The following SMARCA2 variants were observed in gnomAD, a reference collection of about 807,000 sequenced individuals.
SMARCA2 encodes SWI/SNF-related matrix-associated actin-dependent regulator of chromatin subfamily A member 2.
SMARCA2 carries 61 observed loss-of-function variants against 199.8 expected under a neutral mutation model. The observed-to-expected ratio is 0.31, with a 90% CI of 0.25 to 0.38. The LOEUF (loss-of-function observed/expected upper bound fraction) is 0.38. Among genes scored for constraint, SMARCA2 ranks in the 10% least tolerant of loss-of-function variants. SMARCA2 has a pLI of 1.00. For missense variants in SMARCA2, 1,344 were observed against 2,012.2 expected (o/e 0.67, Z 6.35); for synonymous variants, 935 against 732.0 (o/e 1.28, Z -4.48).
At chr9:2,135,402 T>C (rs1824149119) in intron 27 of SMARCA2, among the ~76,000 whole-genome samples, 1 of 152,200 alleles carries the variant, frequency 6.6e-6, no homozygotes, top group African/African-American at 2.4e-5. Context: ...TTTTACCAAC[T>C]ATCTGGGCAT....
In SMARCA2 at chr9:2,047,494, C is replaced by T. The variant is rs757453057; in HGVS notation, c.1046+10C>T. On this transcript the variant is annotated intron_variant, in intron 5 of 33. Coordinates refer to ENST00000349721, the MANE Select transcript of SMARCA2 (RefSeq NM_003070.5). Reference sequence around the variant, plus strand: ...AAGAGCGGGAATACAGGTAACGCACCCCGCCAGCAAGGGGCCCCCTGCGGT... The same window carrying T: ...AAGAGCGGGAATACAGGTAACGCACTCCGCCAGCAAGGGGCCCCCTGCGGT... 1 of 1,418,114 alleles carries T rather than the reference C, an allele frequency of 7.1e-7. No individual in the cohort carries two copies. The allele number at this position is 1,418,114 out of a possible 1,614,324, so 87.8% of individuals were successfully genotyped here.
chr9:2,158,798 CTT>C, intron 27 of SMARCA2: 1 of 619,040 alleles, frequency 1.6e-6, no homozygotes. Context: ...TTACTCTACT[CTT>C]TATGTGCGAA....
chr9:2,174,662 G>A lies in SMARCA2; in HGVS notation c.4253+4190G>A, dbSNP rs566570555. ...AGGCCAGGCACAGTGGCTCACACCT[G>A]TAATTCCCAGCACTTTGGGAGGCCG... On this transcript the variant is annotated intron_variant, in intron 29 of 33. Coordinates refer to ENST00000349721, the MANE Select transcript of SMARCA2 (RefSeq NM_003070.5). Among the ~76,000 whole-genome samples, 4 of 152,268 alleles carry A rather than the reference G, an allele frequency of 2.6e-5. No homozygotes were observed. The South Asian group carries it at 8.3e-4, about 32-fold the overall frequency.
In SMARCA2 at chr9:2,129,220, C is replaced by G. The variant is rs185993095; in HGVS notation, c.3981+5283C>G. 2.6e-5 allele frequency among the ~76,000 whole-genome samples: 4 copies of G among 152,216 alleles called. No individual in the cohort carries two copies. The East Asian group carries it at 7.7e-4, about 29-fold the overall frequency. ...GAACATGAGGTCAGGAGATCGAGAC[C>G]ATCCTGGCTAACACGGTGAAACCCC... On this transcript the variant is annotated intron_variant, in intron 27 of 33. Coordinates refer to ENST00000349721, the MANE Select transcript of SMARCA2 (RefSeq NM_003070.5).
chr9:2,068,897 A>G (rs1820960165), intron 9 of SMARCA2: 1 of 152,020 alleles, frequency 6.6e-6, no homozygotes. Context: ...TTTCTTGGAT[A>G]TGTACAAGAT....
intron 27 of SMARCA2, among the ~76,000 whole-genome samples, chr9:2,151,313 T>G (rs1337283817): frequency 6.6e-6 from 1 of 151,398 alleles, no homozygotes; most frequent in Admixed American, 6.6e-5. Context: ...CCACCAAAGA[T>G]GAAAGTGCTG....
At position 2,029,156 on chromosome 9, in the gene SMARCA2, G is replaced by C; in HGVS notation, c.134G>C (p.Gly45Ala). Residue 45 changes from glycine (G) to alanine (A), a missense_variant, in exon 2 of 34, where the codon GGG becomes GCG. This residue lies in a region of SMARCA2 where 275 missense variants were observed against 247.5 expected (regional missense o/e 1.11). Coordinates refer to ENST00000349721, the MANE Select transcript of SMARCA2 (RefSeq NM_003070.5). ...CCAGGTTCCGTCCACAGCATGATGG[G>C]GCCAAGTCCTGGACCTCCAAGTGTC... The part of the protein sequence containing the change: ...PSPGSVHSMM[G>A]PSPGPPSVSH... 1 of 1,613,026 alleles carries C rather than the reference G, an allele frequency of 6.2e-7. No homozygotes were observed. Among genetic ancestry groups the C allele is most frequent in the Non-Finnish European group, 8.5e-7 (1 of 1,179,546 alleles).
intron 27 of SMARCA2, among the ~76,000 whole-genome samples, chr9:2,137,342 TGTAA>T (rs1824244851): frequency 6.6e-6 from 1 of 152,218 alleles, no homozygotes. Flanking sequence ...GGCCTTCCAT[TGTAA>T]GTGTTATTAA....
Position 2,158,653 on chromosome 9 carries a change from G to GTT in SMARCA2, c.3982-3026_3982-3025dup, listed in dbSNP as rs375367324. 41 of 298,770 alleles carry GTT rather than the reference G, an allele frequency of 1.4e-4. 1 individual carries two copies. The highest frequency in any genetic ancestry group is 1.8e-3 in the Middle Eastern group (2 of 1,098). 18.5% of individuals were successfully genotyped at this position (298,770 alleles called of 1,614,324 possible). A position where few individuals can be genotyped will look rare whatever the true frequency, so the allele number is the denominator to read the frequency against. On this transcript the variant is annotated intron_variant, in intron 27 of 33. Transcript: ENST00000349721. The stretch of plus-strand genomic sequence containing the variant: ...TTAGCATTGTGTAGCAAGTTTTGGG[G>GTT]TTTTTTTTGTGTGTGACCCCCCAGC...
At chr9:2,130,360 C>T (rs1005446416) in intron 27 of SMARCA2, among the ~76,000 whole-genome samples, 3 of 152,074 alleles carry the variant, frequency 2.0e-5, no homozygotes, top group East Asian at 1.9e-4. Context: ...TTGTCGTGGC[C>T]GAGTGGTTAA....
At chr9:2,031,039 T>C (rs980672671) in intron 2 of SMARCA2, among the ~76,000 whole-genome samples, 1 of 152,258 alleles carries the variant, frequency 6.6e-6, no homozygotes, top group African/African-American at 2.4e-5. Context: ...CTTGCTTTTC[T>C]GTATGTTCAT....
chr9:2,145,582 A>G (rs147097799), intron 27 of SMARCA2, among the ~76,000 whole-genome samples: 1 of 152,288 alleles, frequency 6.6e-6, no homozygotes, highest in East Asian at 1.9e-4. Flanking sequence ...GAAGTAGGGA[A>G]GATGCAGAGA....
intron 29 of SMARCA2, among the ~76,000 whole-genome samples, chr9:2,178,314 C>A (rs767549706): frequency 6.6e-6 from 1 of 152,210 alleles, no homozygotes; most frequent in Non-Finnish European, 1.5e-5. Flanking sequence ...GCCATACTTT[C>A]TAGCCTGAGG....
intron 19 of SMARCA2, among the ~76,000 whole-genome samples, chr9:2,095,233 A>C (rs7024379): frequency 0.12 from 18,107 of 151,780 alleles, 1,113 homozygotes; most frequent in Admixed American, 0.15. Flanking sequence ...CTACAGGCAC[A>C]CACCACCATG....
chr9:2,110,533 C>A lies in SMARCA2; in HGVS notation c.3456+116C>A, dbSNP rs143359050. The stretch of plus-strand genomic sequence containing the variant: ...AAATATCTAAACGAGTGGGCTGTTG[C>A]TTTCTTGGAGCCAATTCTTCTGGCT... On this transcript the variant is annotated intron_variant, in intron 24 of 33. Transcript: ENST00000349721. This position sits in a 1 kb window ranked among gnomAD's most constrained non-coding sequence, Gnocchi z 4.8. 9.3e-5 allele frequency: 73 copies of A among 782,966 alleles called. 2 individuals are homozygous for A. The South Asian group carries it at 2.0e-3, about 21-fold the overall frequency. The allele number at this position is 782,966 out of a possible 1,614,324, so 48.5% of individuals were successfully genotyped here. A position where few individuals can be genotyped will look rare whatever the true frequency, so the allele number is the denominator to read the frequency against.
intron 27 of SMARCA2, among the ~76,000 whole-genome samples, chr9:2,128,739 A>G (rs1823805102): frequency 6.6e-6 from 1 of 152,256 alleles, no homozygotes; most frequent in East Asian, 1.9e-4. Context: ...CTAAAGCCTA[A>G]GCTTCATTAG....
rs1013782913 is a variant in SMARCA2 at position 2,102,895 on chromosome 9, A to G, written c.3126-1108A>G. 2.6e-5 allele frequency among the ~76,000 whole-genome samples: 4 copies of G among 151,370 alleles called. No individual in the cohort carries two copies. In the East Asian group the frequency reaches 5.8e-4, roughly 22 times the overall value. ...CCCTAAAGAGTCTGTTCCTAGTCCC[A>G]TCCTCCACCTCTCTGTCTTCATCTC... On this transcript the variant is annotated intron_variant, in intron 22 of 33. Transcript: ENST00000349721.
intron 27 of SMARCA2, chr9:2,159,679 G>A (rs532203477): frequency 6.1e-5 from 67 of 1,104,706 alleles, no homozygotes; most frequent in Admixed American, 1.8e-4. Flanking sequence ...GGAAGCCTTC[G>A]GGCCTTGTAG....
chr9:2,149,712 C>T (rs567605950), intron 27 of SMARCA2, among the ~76,000 whole-genome samples: 2 of 151,480 alleles, frequency 1.3e-5, no homozygotes, highest in South Asian at 2.1e-4. Flanking sequence ...AGAGCCAAAC[C>T]ATATCACTGG....
Sources: gnomAD v4.1 joint callset for allele counts (sites outside exome capture counted in the v4.1 genomes callset) on GRCh38, gnomAD v4.1.1 for gene constraint, gnomAD v4.1.1 regional missense constraint, Gnocchi (gnomAD v3.1) non-coding constraint, MANE v1.5 for transcripts, NCBI Gene and HGNC (gene_info 2026-07-23, HGNC 2026-07-21) for gene names.